The following SORCS1 variants were observed in gnomAD, a reference collection of about 807,000 sequenced individuals.
SORCS1 encodes sortilin related VPS10 domain containing receptor 1, also known as VPS10 domain-containing receptor SorCS1.
A neutral mutation model predicts 146.1 loss-of-function variants in SORCS1; 60 were observed. The ratio of observed to expected loss-of-function variants is 0.41; its 90% CI spans 0.33 to 0.51. SORCS1 has a LOEUF of 0.51. Among genes scored for constraint, SORCS1 ranks in the 20% least tolerant of loss-of-function variants. The pLI, the probability that SORCS1 is intolerant of heterozygous loss-of-function variation, is 0.21. For missense variants in SORCS1, 1,352 were observed against 1,487.6 expected (o/e 0.91, Z 1.50); for synonymous variants, 637 against 584.0 (o/e 1.09, Z -1.31).
intron 8 of SORCS1, among the ~76,000 whole-genome samples, chr10:106,704,355 T>C (rs898680386): frequency 6.6e-6 from 1 of 152,234 alleles, no homozygotes; most frequent in Non-Finnish European, 1.5e-5. Context: ...TCAATTATGC[T>C]ACAAATAGCA....
At chr10:106,649,721 C>A (rs1427958036) in intron 18 of SORCS1, among the ~76,000 whole-genome samples, 1 of 152,156 alleles carries the variant, frequency 6.6e-6, no homozygotes, top group Non-Finnish European at 1.5e-5. Context: ...TCTCTCCTCT[C>A]CTTCTGAGGC....
chr10:106,862,681 C>T (rs745309639), intron 2 of SORCS1, among the ~76,000 whole-genome samples: 1 of 150,280 alleles, frequency 6.7e-6, no homozygotes, highest in Non-Finnish European at 1.5e-5. Context: ...CGCGGTGGCT[C>T]GCGCCTGTAA....
intron 1 of SORCS1, among the ~76,000 whole-genome samples, chr10:107,121,302 A>G (rs1673943650): frequency 6.6e-6 from 1 of 152,184 alleles, no homozygotes; most frequent in African/African-American, 2.4e-5. Context: ...CAAAACAAAA[A>G]GTTTCAGAAT....
rs116848251 is a variant in SORCS1 at position 106,761,690 on chromosome 10, A to G, written c.886-29T>C. The G allele has an allele frequency of 4.0e-5, 63 of 1,580,852 alleles. 1 individual carries two copies. The East Asian group carries it at 1.2e-3, about 29-fold the overall frequency. On this transcript the variant is annotated intron_variant, in intron 4 of 25. Coordinates refer to ENST00000263054, the MANE Select transcript of SORCS1 (RefSeq NM_052918.5). ...TAAAGAACAGAAATTACTCAGCACTATGGTTCTATAGTACATCAAATACAC... is the reference window on the plus strand; with the variant it reads ...TAAAGAACAGAAATTACTCAGCACTGTGGTTCTATAGTACATCAAATACAC...
intron 18 of SORCS1, among the ~76,000 whole-genome samples, chr10:106,637,951 TA>T (rs1848824732): frequency 6.6e-6 from 1 of 152,204 alleles, no homozygotes; most frequent in African/African-American, 2.4e-5. Context: ...GTGTCTGGTT[TA>T]AAATGCAACA....
chr10:107,030,967 C>G (rs1229142106), intron 1 of SORCS1, among the ~76,000 whole-genome samples: 1 of 152,202 alleles, frequency 6.6e-6, no homozygotes, highest in Non-Finnish European at 1.5e-5. Context: ...CTCAGAATTT[C>G]ATGCTTCCCA....
intron 1 of SORCS1, among the ~76,000 whole-genome samples, chr10:107,102,264 T>C (rs1275914960): frequency 1.8e-4 from 28 of 152,174 alleles, no homozygotes; most frequent in Admixed American, 1.8e-3. Context: ...CTGGTTCTGA[T>C]ATGAGAGGAT....
chr10:106,816,903 A>G (rs1947770007), intron 3 of SORCS1, among the ~76,000 whole-genome samples: 1 of 152,212 alleles, frequency 6.6e-6, no homozygotes, highest in Non-Finnish European at 1.5e-5. Context: ...GCTCTCTTGG[A>G]ACAATGGGCA....
chr10:106,715,698 C>T (rs1855316073), intron 6 of SORCS1, among the ~76,000 whole-genome samples: 1 of 152,220 alleles, frequency 6.6e-6, no homozygotes, highest in Non-Finnish European at 1.5e-5. Context: ...ATACTGCTCA[C>T]TGTGTCTCAA....
chr10:106,695,406 T>C (rs1231440458), intron 9 of SORCS1, among the ~76,000 whole-genome samples: 3 of 152,224 alleles, frequency 2.0e-5, no homozygotes, highest in Non-Finnish European at 4.4e-5. Flanking sequence ...CTTAATGCTG[T>C]CACTCTTCCA....
rs993433880 is a variant in SORCS1, at chr10:106,624,568, C to T, written c.2663-4007G>A. ...TAGAGACAGGGTTTCACCATGTTGGCCAGGCTGGTCTCGAATTTCCAATCT... is the reference window on the plus strand; with the variant it reads ...TAGAGACAGGGTTTCACCATGTTGGTCAGGCTGGTCTCGAATTTCCAATCT... On this transcript the variant is annotated intron_variant, in intron 19 of 25. Transcript: ENST00000263054. Among the ~76,000 whole-genome samples the T allele has an allele frequency of 1.2e-4, 18 of 152,030 alleles. No individual in the cohort carries two copies. In the South Asian group the frequency reaches 3.7e-3, roughly 32 times the overall value.
intron 4 of SORCS1, among the ~76,000 whole-genome samples, chr10:106,769,353 C>T (rs776993793): frequency 2.0e-5 from 3 of 151,754 alleles, no homozygotes; most frequent in African/African-American, 7.3e-5. Context: ...GGCGTGGGGG[C>T]GGGTGCCAGT....
intron 1 of SORCS1, among the ~76,000 whole-genome samples, chr10:107,089,325 A>C (rs1963998682): frequency 3.9e-5 from 6 of 152,244 alleles, no homozygotes; most frequent in Admixed American, 3.9e-4. Context: ...GTAAACAAAA[A>C]GTGGCATAGA....
intron 1 of SORCS1, among the ~76,000 whole-genome samples, chr10:107,039,466 T>G (rs540966724): frequency 6.6e-6 from 1 of 152,330 alleles, no homozygotes; most frequent in Admixed American, 6.5e-5. Flanking sequence ...AAGAATATTT[T>G]AATATTCTTT....
At chr10:106,991,504 T>G (rs7091076) in intron 1 of SORCS1, among the ~76,000 whole-genome samples, 26,345 of 152,050 alleles carry the variant, frequency 0.17, 6,981 homozygotes, top group African/African-American at 0.57. Flanking sequence ...ACTGATTTTC[T>G]CTGAACAGAT....
At chr10:106,716,909 G>GA (rs1458441900) in intron 6 of SORCS1, among the ~76,000 whole-genome samples, 1 of 152,142 alleles carries the variant, frequency 6.6e-6, no homozygotes, top group Non-Finnish European at 1.5e-5. Context: ...GCCGAGGCGG[G>GA]TGGATCACTT....
At chr10:106,700,106 G>A (rs538082733) in intron 8 of SORCS1, among the ~76,000 whole-genome samples, 39 of 152,262 alleles carry the variant, frequency 2.6e-4, no homozygotes, top group African/African-American at 8.9e-4. Context: ...GGTTCTGCAG[G>A]AATCCTCCAG....
At chr10:107,094,864 T>C (rs181419494) in intron 1 of SORCS1, among the ~76,000 whole-genome samples, 2 of 152,316 alleles carry the variant, frequency 1.3e-5, no homozygotes, top group Admixed American at 6.5e-5. Context: ...CCCTTCACTC[T>C]TTGCAGTGAA....
chr10:107,160,358 T>C (rs911542564), intron 1 of SORCS1, among the ~76,000 whole-genome samples: 1 of 152,212 alleles, frequency 6.6e-6, no homozygotes, highest in African/African-American at 2.4e-5. Flanking sequence ...ATTTAGCCTC[T>C]TGGAACCTCA....
Sources: allele counts gnomAD v4.1 joint callset (sites outside exome capture counted in the v4.1 genomes callset), GRCh38; gene constraint gnomAD v4.1.1; transcripts MANE v1.5; gene names NCBI Gene and HGNC (gene_info 2026-07-23, HGNC 2026-07-21).